Variants in ALDH1A2 observed in about 807,000 individuals in gnomAD.
ALDH1A2 encodes the protein aldehyde dehydrogenase 1 family member A2, also known as retinal dehydrogenase 2.
Under a neutral mutation model 60.3 loss-of-function variants are expected in ALDH1A2, and 27 were observed. The observed-to-expected ratio is 0.45, with a 90% CI of 0.33 to 0.62. The LOEUF (loss-of-function observed/expected upper bound fraction) is 0.62, where lower values mean the gene tolerates loss of function less well. Ranked by LOEUF, ALDH1A2 falls within the 20% of genes least tolerant of loss-of-function variation. The pLI, the probability that ALDH1A2 is intolerant of heterozygous loss-of-function variation, is 0.02. For synonymous variants in ALDH1A2, 289 were observed against 232.4 expected (o/e 1.24, Z -2.21); for missense variants, 581 against 643.8 (o/e 0.90, Z 1.06).
intron 1 of ALDH1A2, among the ~76,000 whole-genome samples, chr15:58,057,112 T>C (rs1595695864): frequency 6.6e-6 from 1 of 152,064 alleles, no homozygotes. Context: ...TGAGGAGACA[T>C]GATCAGGAAT....
intron 1 of ALDH1A2, among the ~76,000 whole-genome samples, chr15:58,016,290 C>G (rs1024925895): frequency 1.3e-5 from 2 of 151,930 alleles, no homozygotes; most frequent in Non-Finnish European, 2.9e-5. Context: ...ATTACAGGCA[C>G]CCACCACCAT....
At chr15:57,998,128 A>C (rs1895129180) in intron 4 of ALDH1A2, among the ~76,000 whole-genome samples, 1 of 152,072 alleles carries the variant, frequency 6.6e-6, no homozygotes, top group Admixed American at 6.6e-5. Context: ...ATTCCCCTTG[A>C]AAACTAGCAC....
intron 1 of ALDH1A2, among the ~76,000 whole-genome samples, chr15:58,015,068 T>A (rs565221043): frequency 6.6e-6 from 1 of 152,318 alleles, no homozygotes; most frequent in South Asian, 2.1e-4. Context: ...GCCAGAAAAA[T>A]TTTAAATTCT....
chr15:58,064,045 C>A (rs1412138087), intron 1 of ALDH1A2, among the ~76,000 whole-genome samples: 1 of 152,086 alleles, frequency 6.6e-6, no homozygotes, highest in Non-Finnish European at 1.5e-5. Flanking sequence ...AAAATCCCAT[C>A]AAAAATAAGA....
Position 57,996,164 on chromosome 15 carries a change from C to T in ALDH1A2, c.494-1025G>A, listed in dbSNP as rs865793496. Among the ~76,000 whole-genome samples, 10 of 152,048 alleles carry T rather than the reference C, an allele frequency of 6.6e-5. No homozygotes were observed. The Middle Eastern group carries it at 0.017, about 259-fold the overall frequency. On this transcript the variant is annotated intron_variant, in intron 4 of 12. Transcript: ENST00000249750. Reference sequence around the variant, plus strand: ...GTGGGGACAGGAGGACTGTGTGGGTCGGGAAAAGAGAAGCGATATGAATCA... The same window carrying T: ...GTGGGGACAGGAGGACTGTGTGGGTTGGGAAAAGAGAAGCGATATGAATCA...
intron 4 of ALDH1A2, among the ~76,000 whole-genome samples, chr15:58,004,744 T>TATAC (rs1895395528): frequency 6.9e-6 from 1 of 145,656 alleles, no homozygotes; most frequent in Non-Finnish European, 1.5e-5. Flanking sequence ...TATATATATA[T>TATAC]TTTATCCAGT....
In ALDH1A2 at chr15:57,953,480, T is replaced by A. The variant is rs1384122100; in HGVS notation, c.*1717A>T. On this transcript the variant is annotated 3_prime_UTR_variant, in exon 13 of 13. Coordinates refer to ENST00000249750, the MANE Select transcript of ALDH1A2 (RefSeq NM_003888.4). The stretch of plus-strand genomic sequence containing the variant: ...GCACAGAGGTTTCTTTTTAAGTAAA[T>A]TAAAAGAAATAAATCTTCATTTTCA... 6.5e-6 allele frequency: 1 copy of A among 152,770 alleles called. No individual in the cohort carries two copies. The highest frequency in any genetic ancestry group is 1.5e-5 in the Non-Finnish European group (1 of 68,034). The allele number at this position is 152,770 out of a possible 1,614,324, so 9.5% of individuals were successfully genotyped here.
chr15:58,063,250 T>C (rs1455463334), intron 1 of ALDH1A2, among the ~76,000 whole-genome samples: 7 of 152,216 alleles, frequency 4.6e-5, no homozygotes, highest in Non-Finnish European at 1.0e-4. Context: ...TAACATATTG[T>C]CTTACAGTAT....
intron 1 of ALDH1A2, among the ~76,000 whole-genome samples, chr15:58,064,859 A>T (rs966478625): frequency 1.8e-5 from 2 of 110,074 alleles, no homozygotes; most frequent in South Asian, 2.5e-4. Flanking sequence ...CGTTCGTTAT[A>T]AAAAAAAAAA....
At chr15:57,986,948 C>A (rs1443948231) in intron 7 of ALDH1A2, among the ~76,000 whole-genome samples, 2 of 152,170 alleles carry the variant, frequency 1.3e-5, no homozygotes, top group East Asian at 3.9e-4. Context: ...GGCCACCACG[C>A]CCGGCCACAG....
intron 4 of ALDH1A2, among the ~76,000 whole-genome samples, chr15:57,996,711 T>C (rs1235379286): frequency 1.3e-5 from 2 of 152,098 alleles, no homozygotes; most frequent in Non-Finnish European, 2.9e-5. Flanking sequence ...TCTAAGTGTA[T>C]GTACATTTCA....
At chr15:58,052,710 G>A (rs1349914787) in intron 1 of ALDH1A2, among the ~76,000 whole-genome samples, 3 of 152,118 alleles carry the variant, frequency 2.0e-5, no homozygotes, top group African/African-American at 7.2e-5. Context: ...CCAAGAAACT[G>A]TTAAATGAAC....
At chr15:57,960,956 A>G (rs1893697402) in intron 11 of ALDH1A2, 112 bp from the exon 12 acceptor site, 1 of 1,338,232 alleles carries the variant, frequency 7.5e-7, no homozygotes, top group Non-Finnish European at 1.0e-6. Flanking sequence ...CCTCCAGAGG[A>G]AAAAATTGTA....
intron 7 of ALDH1A2, among the ~76,000 whole-genome samples, chr15:57,986,571 C>A (rs1370554241): frequency 5.4e-4 from 44 of 82,062 alleles, no homozygotes; most frequent in South Asian, 2.7e-3. Context: ...ACAGAAAAGC[C>A]AAAAAAAAAA....
chr15:58,007,667 A>G (rs1161513586), intron 4 of ALDH1A2, among the ~76,000 whole-genome samples: 2 of 152,162 alleles, frequency 1.3e-5, no homozygotes, highest in African/African-American at 4.8e-5. Context: ...ATTCTATGCA[A>G]ATATAAAGTA....
At chr15:57,992,214 G>A (rs758777131) in intron 7 of ALDH1A2, among the ~76,000 whole-genome samples, 5 of 152,078 alleles carry the variant, frequency 3.3e-5, no homozygotes, top group Non-Finnish European at 7.4e-5. Flanking sequence ...CAGAGACCAC[G>A]TTGCCTCCAA....
At chr15:57,969,680 T>C (rs1483907146) in intron 7 of ALDH1A2, among the ~76,000 whole-genome samples, 1 of 152,202 alleles carries the variant, frequency 6.6e-6, no homozygotes. Context: ...ATTTGTAAGA[T>C]AAAACAGGTA....
intron 1 of ALDH1A2, among the ~76,000 whole-genome samples, chr15:58,027,311 G>A (rs1432954716): frequency 6.6e-6 from 1 of 152,180 alleles, no homozygotes; most frequent in Non-Finnish European, 1.5e-5. Flanking sequence ...CTGACTGTTA[G>A]AAGGAAAACT....
chr15:58,031,450 C>T (rs1302701368), intron 1 of ALDH1A2, among the ~76,000 whole-genome samples: 1 of 152,112 alleles, frequency 6.6e-6, no homozygotes, highest in Non-Finnish European at 1.5e-5. Flanking sequence ...AGGACATAGG[C>T]ATGGGAAAAG....
Sources: gnomAD v4.1 joint callset for allele counts (sites outside exome capture counted in the v4.1 genomes callset) on GRCh38, gnomAD v4.1.1 for gene constraint, MANE v1.5 for transcripts, NCBI Gene and HGNC (gene_info 2026-07-23, HGNC 2026-07-21) for gene names.